The following EPB41L4B variants were observed in gnomAD, a reference collection of about 807,000 sequenced individuals.
EPB41L4B encodes erythrocyte membrane protein band 4.1 like 4B, also known as band 4.1-like protein 4B.
EPB41L4B carries 30 observed loss-of-function variants against 112.5 expected under a neutral mutation model. The ratio of observed to expected loss-of-function variants is 0.27; its 90% CI spans 0.20 to 0.36. The LOEUF is 0.36. Ranked by LOEUF, EPB41L4B falls within the 10% of genes least tolerant of loss-of-function variation. The pLI is 1.00. For synonymous variants in EPB41L4B, 408 were observed against 439.7 expected, an observed-to-expected ratio of 0.93 and a Z score of 0.90; for missense variants, 1,024 against 1,133.3, an observed-to-expected ratio of 0.90 and a Z score of 1.38.
chr9:109,316,910 A>AG (rs1837655792), intron 1 of EPB41L4B, among the ~76,000 whole-genome samples: 1 of 152,148 alleles, frequency 6.6e-6, no homozygotes, highest in African/African-American at 2.4e-5. Context: ...GAGACCAGCC[A>AG]GGGCAATACA....
Position 109,174,420 on chromosome 9 carries a change from G to A in EPB41L4B, c.*134C>T. ...CCCATAAAAGTCAAGCCAGAAATTG[G>A]CTTCAACTAACCATGGAGACCTGGG... is the stretch of plus-strand genomic sequence containing the variant. On this transcript the variant is annotated 3_prime_UTR_variant, in exon 26 of 26. Transcript: ENST00000374566. 1.3e-6 allele frequency: 1 copy of A among 790,558 alleles called. No homozygotes were observed. Among genetic ancestry groups the A allele is most frequent in the Non-Finnish European group, 2.2e-6 (1 of 463,424 alleles). The allele number at this position is 790,558 out of a possible 1,614,324, so 49.0% of individuals were successfully genotyped here. A position where few individuals can be genotyped will look rare whatever the true frequency, so the allele number is the denominator to read the frequency against.
chr9:109,296,871 CAA>C (rs748065925), intron 1 of EPB41L4B, among the ~76,000 whole-genome samples: 34 of 69,430 alleles, frequency 4.9e-4, no homozygotes, highest in Admixed American at 1.1e-3. Flanking sequence ...GGCCATGTCT[CAA>C]AAAAAAAAAA....
intron 11 of EPB41L4B, 37 bp downstream of exon 11, chr9:109,255,474 A>G (rs369212192): frequency 2.7e-5 from 43 of 1,604,920 alleles, no homozygotes; most frequent in Middle Eastern, 1.7e-4. Context: ...GCCCTCCTTC[A>G]GAAGACGTGA....
At position 109,312,817 on chromosome 9, in the gene EPB41L4B, C is replaced by T. The variant is rs137884271; in HGVS notation, c.306+7324G>A. ...TCTGAATCCCCTACCCCAAGGAACC[C>T]GGAGCCCAGGGATGGGGCTTTTCTG... On this transcript the variant is annotated intron_variant, in intron 1 of 25. Transcript: ENST00000374566. Among the ~76,000 whole-genome samples, 27 of 152,294 alleles carry T rather than the reference C, an allele frequency of 1.8e-4. No individual in the cohort carries two copies. In the East Asian group the frequency reaches 3.7e-3, roughly 21 times the overall value.
At chr9:109,184,564 A>G (rs541411141) in intron 23 of EPB41L4B, among the ~76,000 whole-genome samples, 3 of 152,372 alleles carry the variant, frequency 2.0e-5, no homozygotes, top group South Asian at 4.1e-4. Flanking sequence ...AAAGTTAGCA[A>G]TCTCAAAGAA....
intron 15 of EPB41L4B, among the ~76,000 whole-genome samples, chr9:109,226,660 A>C (rs1166489084): frequency 1.1e-5 from 1 of 87,954 alleles, no homozygotes; most frequent in African/African-American, 3.7e-5. Flanking sequence ...AAGAATATAT[A>C]TATGAAGAAT....
chr9:109,277,566 C>A (rs139957736), intron 2 of EPB41L4B, among the ~76,000 whole-genome samples: 73 of 152,258 alleles, frequency 4.8e-4, no homozygotes, highest in African/African-American at 1.7e-3. Flanking sequence ...AACCTGTGAT[C>A]GGTGCTGATG....
intron 15 of EPB41L4B, among the ~76,000 whole-genome samples, chr9:109,220,059 T>C (rs1181764743): frequency 6.6e-6 from 1 of 152,242 alleles, no homozygotes; most frequent in Non-Finnish European, 1.5e-5. Context: ...AAGCTGGCAT[T>C]ACCACTGAAC....
chr9:109,267,816 G>A (rs552544099), intron 3 of EPB41L4B, among the ~76,000 whole-genome samples: 1 of 152,272 alleles, frequency 6.6e-6, no homozygotes, highest in South Asian at 2.1e-4. Flanking sequence ...ACTAAAAGCT[G>A]ACATTTTATT....
intron 15 of EPB41L4B, among the ~76,000 whole-genome samples, chr9:109,234,996 G>A (rs989612416): frequency 1.3e-5 from 2 of 152,194 alleles, no homozygotes; most frequent in African/African-American, 4.8e-5. Flanking sequence ...ATTAGACAAG[G>A]TGGGAATGGA....
intron 1 of EPB41L4B, among the ~76,000 whole-genome samples, chr9:109,292,404 T>G (rs1836567966): frequency 6.6e-6 from 1 of 152,198 alleles, no homozygotes; most frequent in South Asian, 2.1e-4. Flanking sequence ...CTGGACAAAC[T>G]TCTTTTAAAG....
At chr9:109,187,038 GA>G (rs1483946658) in intron 22 of EPB41L4B, among the ~76,000 whole-genome samples, 1 of 152,216 alleles carries the variant, frequency 6.6e-6, no homozygotes, top group African/African-American at 2.4e-5. Flanking sequence ...TTGTACTGGT[GA>G]GGATGAGGTT....
chr9:109,212,399 G>A lies in EPB41L4B; in HGVS notation c.1752+1301C>T, dbSNP rs140715922. Among the ~76,000 whole-genome samples the A allele has an allele frequency of 2.6e-5, 4 of 152,274 alleles. No individual in the cohort carries two copies. In the East Asian group the frequency reaches 5.8e-4, roughly 22 times the overall value. The stretch of plus-strand genomic sequence containing the variant: ...CAAGCCTGCTCAATAAAGATCTGTT[G>A]ATTGAATGGCTATCAGAGCCATCCT... On this transcript the variant is annotated intron_variant, in intron 17 of 25. Transcript: ENST00000374566.
chr9:109,184,094 A>C (rs1214552689), intron 23 of EPB41L4B, among the ~76,000 whole-genome samples: 1 of 145,862 alleles, frequency 6.9e-6, no homozygotes, highest in African/African-American at 2.6e-5. Context: ...CTTGGGGTGA[A>C]GTCTTGGGGT....
intron 15 of EPB41L4B, among the ~76,000 whole-genome samples, chr9:109,226,467 C>G (rs2118882810): frequency 6.6e-6 from 1 of 151,896 alleles, no homozygotes; most frequent in African/African-American, 2.4e-5. Flanking sequence ...CCTCACTGTC[C>G]AATTAAGTTT....
chr9:109,245,333 C>T (rs1834512580), intron 14 of EPB41L4B, among the ~76,000 whole-genome samples: 1 of 152,206 alleles, frequency 6.6e-6, no homozygotes, highest in South Asian at 2.1e-4. Flanking sequence ...AAATCAGATT[C>T]ATCAGAGAGA....
chr9:109,239,895 T>C, intron 15 of EPB41L4B: 1 of 985,346 alleles, frequency 1.0e-6, no homozygotes, highest in Non-Finnish European at 1.2e-6. Flanking sequence ...TGCCACCACT[T>C]CTCTCTACTC....
At chr9:109,227,047 C>G (rs1833808266) in intron 15 of EPB41L4B, among the ~76,000 whole-genome samples, 1 of 151,682 alleles carries the variant, frequency 6.6e-6, no homozygotes, top group South Asian at 2.1e-4. Context: ...ATCATGTTGC[C>G]CAGGCTGGTC....
At chr9:109,186,198 CCT>C (rs1491178718) in intron 22 of EPB41L4B, among the ~76,000 whole-genome samples, 4 of 151,912 alleles carry the variant, frequency 2.6e-5, no homozygotes, top group African/African-American at 9.7e-5. Flanking sequence ...GTTTCATTTC[CCT>C]TTTTTTTTTT....
Sources: allele counts gnomAD v4.1 joint callset (sites outside exome capture counted in the v4.1 genomes callset), GRCh38; gene constraint gnomAD v4.1.1; transcripts MANE v1.5; gene names NCBI Gene and HGNC (gene_info 2026-07-23, HGNC 2026-07-21).